ANO2: variants seen among roughly 807,000 people sequenced by gnomAD.
ANO2 encodes the protein anoctamin 2.
A neutral mutation model predicts 124.2 loss-of-function variants in ANO2; 101 were observed. The ratio of observed to expected loss-of-function variants is 0.81; its 90% CI spans 0.69 to 0.96. The LOEUF is 0.96. Among genes scored for constraint, ANO2 ranks in the 40% least tolerant of loss-of-function variants. The pLI, the probability that ANO2 is intolerant of heterozygous loss-of-function variation, is 0.00. For missense variants in ANO2, 1,293 were observed against 1,274.5 expected (o/e 1.01, Z -0.22); for synonymous variants, 486 against 482.5 (o/e 1.01, Z -0.09).
At chr12:5,689,254 G>A (rs1051160191) in intron 14 of ANO2, among the ~76,000 whole-genome samples, 6 of 152,154 alleles carry the variant, frequency 3.9e-5, no homozygotes, top group Admixed American at 1.3e-4. Context: ...GTTTAATTAG[G>A]AGGGCAGAAT....
At chr12:5,723,761 A>G (rs1950328618) in intron 14 of ANO2, among the ~76,000 whole-genome samples, 1 of 152,234 alleles carries the variant, frequency 6.6e-6, no homozygotes. Context: ...CTTCAGCAAC[A>G]ATTCCACTTT....
chr12:5,657,478 C>T (rs1431733376), intron 14 of ANO2, among the ~76,000 whole-genome samples: 1 of 140,784 alleles, frequency 7.1e-6, no homozygotes, highest in Non-Finnish European at 1.5e-5. Context: ...TGAAGAAGTG[C>T]AATATACTTT....
In ANO2 at chr12:5,827,749, C is replaced by T. The variant is rs757410109; in HGVS notation, c.892+20G>A. Reference sequence around the variant, plus strand: ...GCCTCAGCGCCCGTCAGCACCCTGCCCGCGGGCTGGGGTCCTTACCCATCG... The same window carrying T: ...GCCTCAGCGCCCGTCAGCACCCTGCTCGCGGGCTGGGGTCCTTACCCATCG... On this transcript the variant is annotated intron_variant, in intron 7 of 24. Transcript: ENST00000682330. 1.9e-6 allele frequency: 3 copies of T among 1,605,732 alleles called. No individual in the cohort carries two copies. Among genetic ancestry groups the T allele is most frequent in the South Asian group, 1.1e-5 (1 of 89,274 alleles).
intron 14 of ANO2, among the ~76,000 whole-genome samples, chr12:5,649,789 CATGT>C (rs772726200): frequency 1.3e-5 from 1 of 74,968 alleles, no homozygotes. Context: ...TGCATGTGTG[CATGT>C]GTGTGTGTGT....
intron 14 of ANO2, among the ~76,000 whole-genome samples, chr12:5,726,018 A>G (rs1296103147): frequency 1.3e-5 from 2 of 152,100 alleles, no homozygotes; most frequent in East Asian, 1.9e-4. Context: ...TCTGCACTCA[A>G]CTTAGAGCTT....
At chr12:5,761,375 T>A (rs1000587840) in intron 10 of ANO2, among the ~76,000 whole-genome samples, 1 of 152,148 alleles carries the variant, frequency 6.6e-6, no homozygotes, top group African/African-American at 2.4e-5. Flanking sequence ...ACATCCCCCA[T>A]AAGATTACTT....
At chr12:5,672,458 A>G (rs954688134) in intron 14 of ANO2, among the ~76,000 whole-genome samples, 2 of 152,194 alleles carry the variant, frequency 1.3e-5, no homozygotes, top group African/African-American at 2.4e-5. Flanking sequence ...TTTGAAAAGC[A>G]AAGTCCTTAG....
chr12:5,880,754 G>A (rs1938429638), intron 3 of ANO2, among the ~76,000 whole-genome samples: 1 of 150,784 alleles, frequency 6.6e-6, no homozygotes, highest in Admixed American at 6.6e-5. Flanking sequence ...GATAAATGAT[G>A]GGTGAATGGA....
intron 9 of ANO2, among the ~76,000 whole-genome samples, chr12:5,803,510 G>A (rs984569687): frequency 3.8e-4 from 58 of 152,214 alleles, no homozygotes; most frequent in African/African-American, 1.3e-3. Context: ...TCTACTTTGG[G>A]TTCTCCCCTG....
At chr12:5,942,792 G>A (rs1942946389) in intron 1 of ANO2, among the ~76,000 whole-genome samples, 1 of 152,156 alleles carries the variant, frequency 6.6e-6, no homozygotes, top group African/African-American at 2.4e-5. Context: ...ACTTAGTTAC[G>A]AATAGTGATG....
intron 14 of ANO2, among the ~76,000 whole-genome samples, chr12:5,712,838 C>T (rs1330795908): frequency 2.0e-5 from 3 of 152,122 alleles, no homozygotes; most frequent in African/African-American, 7.2e-5. Flanking sequence ...CATGACACAC[C>T]AAGAGACGCT....
At chr12:5,763,364 T>C (rs1951792904) in intron 10 of ANO2, among the ~76,000 whole-genome samples, 1 of 152,098 alleles carries the variant, frequency 6.6e-6, no homozygotes, top group South Asian at 2.1e-4. Context: ...CTATTAGTCA[T>C]AATTTTGGTT....
intron 23 of ANO2, among the ~76,000 whole-genome samples, chr12:5,573,014 C>G (rs1942211825): frequency 6.6e-6 from 1 of 152,126 alleles, no homozygotes; most frequent in South Asian, 2.1e-4. Flanking sequence ...TTCACAATAC[C>G]TGGTGTCCTG....
chr12:5,840,119 T>C (rs1230325986), intron 4 of ANO2, among the ~76,000 whole-genome samples: 2 of 152,220 alleles, frequency 1.3e-5, no homozygotes, highest in African/African-American at 4.8e-5. Context: ...CAGAGAATTA[T>C]GAACAACCTC....
intron 3 of ANO2, among the ~76,000 whole-genome samples, chr12:5,920,100 G>C (rs1302955755): frequency 2.0e-5 from 3 of 151,060 alleles, no homozygotes; most frequent in Non-Finnish European, 4.4e-5. Flanking sequence ...TGCATGCATG[G>C]GTGGGTGGAC....
At chr12:5,832,364 G>C in intron 5 of ANO2, 88 bp downstream of exon 5, 3 of 1,493,938 alleles carry the variant, frequency 2.0e-6, no homozygotes, top group Non-Finnish European at 2.7e-6. Context: ...CACCCACTTT[G>C]GGAGCCCCAG....
chr12:5,599,450 G>GC (rs1240958796), intron 20 of ANO2, 34 bp downstream of exon 20: 5 of 1,574,692 alleles, frequency 3.2e-6, no homozygotes, highest in Non-Finnish European at 4.3e-6. Context: ...GTCTGAACCT[G>GC]CCCCCAGTGG....
intron 14 of ANO2, among the ~76,000 whole-genome samples, chr12:5,690,943 C>T (rs1409278437): frequency 2.6e-5 from 4 of 152,206 alleles, no homozygotes; most frequent in African/African-American, 4.8e-5. Context: ...TATGCACTGA[C>T]ACATATAGGG....
At chr12:5,657,250 T>C (rs1947204908) in intron 14 of ANO2, among the ~76,000 whole-genome samples, 1 of 152,134 alleles carries the variant, frequency 6.6e-6, no homozygotes, top group African/African-American at 2.4e-5. Flanking sequence ...TTCAACTATG[T>C]CTGAGAAAGA....
Sources: gnomAD v4.1 joint callset for allele counts (sites outside exome capture counted in the v4.1 genomes callset) on GRCh38, gnomAD v4.1.1 for gene constraint, MANE v1.5 for transcripts, NCBI Gene and HGNC (gene_info 2026-07-23, HGNC 2026-07-21) for gene names.